Variants in BPIFC observed in about 807,000 individuals in gnomAD.
BPIFC encodes the protein BPI fold-containing family C protein.
A neutral mutation model predicts 57.6 loss-of-function variants in BPIFC; 60 were observed. That is an observed-to-expected ratio of 1.04 (90% CI 0.85 to 1.29). The LOEUF is 1.29. Among genes scored for constraint, BPIFC ranks in the 50% most tolerant of loss-of-function variants. The probability of loss-of-function intolerance (pLI) is 0.00; values close to 1 mark genes in which losing one functional copy is unlikely to be tolerated. For synonymous variants in BPIFC, 243 were observed against 224.5 expected (o/e 1.08, Z -0.74); for missense variants, 581 against 600.5 (o/e 0.97, Z 0.34).
At position 32,464,266 on chromosome 22, in the gene BPIFC, C is replaced by A. The variant is rs1309314830; in HGVS notation, c.-89+108G>T. ...AAATCTAGGCAGACAATAATAATAA[C>A]CCAGGATATATGACAGCTGCCTGTT... On this transcript the variant is annotated intron_variant, in intron 1 of 16. Coordinates refer to ENST00000300399, the MANE Select transcript of BPIFC (RefSeq NM_174932.3). The A allele has an allele frequency of 1.1e-5, 4 of 364,588 alleles. No individual in the cohort carries two copies. In the East Asian group the frequency reaches 5.0e-4, roughly 46 times the overall value. 22.6% of individuals were successfully genotyped at this position (364,588 alleles called of 1,614,324 possible).
chr22:32,436,405 AGGAG>A (rs1934402191), intron 9 of BPIFC, among the ~76,000 whole-genome samples: 1 of 150,064 alleles, frequency 6.7e-6, no homozygotes, highest in East Asian at 1.9e-4. Flanking sequence ...GAGGAGGAGG[AGGAG>A]GGAAAAGAAG....
intron 12 of BPIFC, among the ~76,000 whole-genome samples, chr22:32,431,900 TGC>T (rs1934254253): frequency 6.6e-6 from 1 of 151,428 alleles, no homozygotes; most frequent in Non-Finnish European, 1.5e-5. Context: ...AGAGTGTGAG[TGC>T]TTACCTCCCA....
At chr22:32,424,020 G>C (rs1248469815) in intron 13 of BPIFC, among the ~76,000 whole-genome samples, 3 of 146,784 alleles carry the variant, frequency 2.0e-5, no homozygotes, top group Non-Finnish European at 4.6e-5. Context: ...GTCAAAATTT[G>C]ATCTTAGAAT....
chr22:32,454,295 G>A (rs1364104363), intron 3 of BPIFC, among the ~76,000 whole-genome samples: 2 of 152,174 alleles, frequency 1.3e-5, no homozygotes, highest in Non-Finnish European at 2.9e-5. Context: ...TGGGCTGTAG[G>A]AAACTCCTGA....
intron 16 of BPIFC, 44 bp from the exon 17 acceptor site, chr22:32,414,469 T>C (rs983481101): frequency 2.5e-6 from 4 of 1,598,978 alleles, no homozygotes; most frequent in Admixed American, 1.8e-5. Context: ...AACTTGGGCA[T>C]GTCTGGGTTT....
In BPIFC at chr22:32,435,695, T is replaced by G. The variant is rs1440768884; in HGVS notation, c.924+9A>C. The G allele has an allele frequency of 1.2e-6, 2 of 1,609,056 alleles. No homozygotes were observed. The highest frequency in any genetic ancestry group is 2.2e-5 in the South Asian group (2 of 90,136). ...GTGACCATTGACATCCTCAGTTAAC[T>G]CTCCTCACCTCTTCGGTGGAGAGAG... On this transcript the variant is annotated intron_variant, in intron 10 of 16. Coordinates refer to ENST00000300399, the MANE Select transcript of BPIFC (RefSeq NM_174932.3).
chr22:32,454,754 A>T (rs1934992121), intron 3 of BPIFC, among the ~76,000 whole-genome samples: 1 of 152,200 alleles, frequency 6.6e-6, no homozygotes, highest in Non-Finnish European at 1.5e-5. Flanking sequence ...GATATAAAGG[A>T]TGTGAAGATA....
chr22:32,418,610 G>A, intron 14 of BPIFC, among the ~76,000 whole-genome samples: 1 of 152,190 alleles, frequency 6.6e-6, no homozygotes, highest in East Asian at 1.9e-4. Context: ...CTTGAGGGTA[G>A]AGATTTTATC....
chr22:32,461,949 G>A (rs746363735), intron 1 of BPIFC, among the ~76,000 whole-genome samples: 13 of 151,952 alleles, frequency 8.6e-5, no homozygotes, highest in South Asian at 4.1e-4. Flanking sequence ...CAAGGTGGGC[G>A]GATCATGAGG....
At chr22:32,440,381 A>G (rs1934530586) in intron 8 of BPIFC, among the ~76,000 whole-genome samples, 1 of 152,088 alleles carries the variant, frequency 6.6e-6, no homozygotes, top group Non-Finnish European at 1.5e-5. Flanking sequence ...ACCTCAAGCA[A>G]TCCTCCCACC....
chr22:32,443,249 C>T (rs112768009), intron 7 of BPIFC, among the ~76,000 whole-genome samples: 11,294 of 151,762 alleles, frequency 0.074, 536 homozygotes, highest in East Asian at 0.16. Context: ...CTGCAAGCTC[C>T]GCCTCCCTGG....
intron 8 of BPIFC, among the ~76,000 whole-genome samples, chr22:32,441,718 T>C (rs1260288811): frequency 6.6e-6 from 1 of 152,142 alleles, no homozygotes; most frequent in African/African-American, 2.4e-5. Flanking sequence ...AGCACAGTGC[T>C]GGCTAAACTC....
At chr22:32,449,529 A>G (rs963066526) in intron 4 of BPIFC, among the ~76,000 whole-genome samples, 25 of 152,156 alleles carry the variant, frequency 1.6e-4, no homozygotes, top group African/African-American at 5.8e-4. Flanking sequence ...TTCATTTACT[A>G]TATCTTGGAA....
At chr22:32,457,444 T>C (rs545603688) in intron 2 of BPIFC, 58 bp from the exon 3 acceptor site, 3 of 1,562,590 alleles carry the variant, frequency 1.9e-6, no homozygotes, top group East Asian at 2.3e-5. Context: ...CTTTGGTCAA[T>C]TAAATCCAAC....
At chr22:32,433,939 G>A (rs1370204968) in intron 10 of BPIFC, among the ~76,000 whole-genome samples, 167 bp from the exon 11 acceptor site, 1 of 152,060 alleles carries the variant, frequency 6.6e-6, no homozygotes, top group East Asian at 1.9e-4. Flanking sequence ...TAGGGAATCC[G>A]AGGCTCAGAG....
intron 1 of BPIFC, among the ~76,000 whole-genome samples, 182 bp from the exon 2 acceptor site, chr22:32,461,843 A>G (rs935359902): frequency 2.6e-5 from 4 of 152,236 alleles, no homozygotes; most frequent in Non-Finnish European, 5.9e-5. Context: ...TGGATGTGTT[A>G]TGCCAAGACA....
chr22:32,442,595 G>A, intron 8 of BPIFC, 76 bp downstream of exon 8: 1 of 1,470,094 alleles, frequency 6.8e-7, no homozygotes, highest in Non-Finnish European at 9.5e-7. Flanking sequence ...ATACCGCCTT[G>A]AAAAGCAAAC....
At chr22:32,419,183 G>A (rs367601696) in intron 14 of BPIFC, among the ~76,000 whole-genome samples, 179 bp downstream of exon 14, 7 of 152,238 alleles carry the variant, frequency 4.6e-5, no homozygotes, top group African/African-American at 1.2e-4. Flanking sequence ...AGTTCCTCTC[G>A]TGAATGGTTA....
At chr22:32,462,042 C>G (rs1474364176) in intron 1 of BPIFC, among the ~76,000 whole-genome samples, 1 of 151,478 alleles carries the variant, frequency 6.6e-6, no homozygotes, top group Non-Finnish European at 1.5e-5. Flanking sequence ...TGGTGGCGCA[C>G]ACCTGTAGTC....
Sources: allele counts gnomAD v4.1 joint callset (sites outside exome capture counted in the v4.1 genomes callset), GRCh38; gene constraint gnomAD v4.1.1; transcripts MANE v1.5; gene names NCBI Gene and HGNC (gene_info 2026-07-23, HGNC 2026-07-21).